Variants in IPO5 observed in about 807,000 individuals in gnomAD.
IPO5 encodes the protein importin 5, also known as importin-5.
IPO5 carries 18 observed loss-of-function variants against 143.3 expected under a neutral mutation model. The ratio of observed to expected loss-of-function variants is 0.13; its 90% CI spans 0.09 to 0.19. The LOEUF is 0.19. Ranked by LOEUF, IPO5 falls within the 10% of genes least tolerant of loss-of-function variation. The pLI is 1.00. For synonymous variants in IPO5, 477 were observed against 465.7 expected (o/e 1.02, Z -0.31); for missense variants, 1,013 against 1,336.9 (o/e 0.76, Z 3.78).
chr13:97,972,444 C>A (rs1482821038), intron 3 of IPO5, among the ~76,000 whole-genome samples: 1 of 152,200 alleles, frequency 6.6e-6, no homozygotes, highest in East Asian at 1.9e-4. Context: ...ATAGGTCATG[C>A]CCAGGCTGTG....
intron 3 of IPO5, among the ~76,000 whole-genome samples, chr13:97,970,214 T>A (rs113990068): frequency 1.3e-5 from 2 of 152,218 alleles, no homozygotes; most frequent in African/African-American, 4.8e-5. Flanking sequence ...TATCAATAAA[T>A]ATAACTATTT....
chr13:98,017,261 T>TATGTA (rs1247969362), intron 25 of IPO5, among the ~76,000 whole-genome samples: 1 of 148,200 alleles, frequency 6.7e-6, no homozygotes, highest in East Asian at 2.0e-4. Flanking sequence ...TATATATGTA[T>TATGTA]TTTTTTTTTA....
intron 1 of IPO5, 183 bp from the exon 2 acceptor site, chr13:97,953,936 C>T (rs1346067963): frequency 2.2e-6 from 1 of 455,928 alleles, no homozygotes; most frequent in Non-Finnish European, 4.4e-6. Flanking sequence ...AAGTATGAAA[C>T]AATGACGATT....
chr13:97,982,734 G>A (rs1264464657), intron 5 of IPO5, 151 bp downstream of exon 5: 10 of 616,450 alleles, frequency 1.6e-5, no homozygotes, highest in Non-Finnish European at 2.5e-5. Flanking sequence ...CTACTTAGGA[G>A]TTATAATGTA....
At position 98,019,804 on chromosome 13, in the gene IPO5, T is replaced by C; in HGVS notation, c.3060T>C (p.Ile1020=). The change falls in exon 27 of 29, where the codon ATT becomes ATC. Residue 1020 remains isoleucine, a synonymous_variant. Transcript: ENST00000651721. ...CTTTCAATTATCTGTGTGACCTGATTGAAAGGTAGGAAAGCAGACTGTGAC... is the reference window on the plus strand; with the variant it reads ...CTTTCAATTATCTGTGTGACCTGATCGAAAGGTAGGAAAGCAGACTGTGAC... ...VQTFNYLCDL[I]ESNHPIVLGP... The C allele has an allele frequency of 6.2e-7, 1 of 1,604,116 alleles. No homozygotes were observed. The highest frequency in any genetic ancestry group is 8.5e-7 in the Non-Finnish European group (1 of 1,171,036).
intron 3 of IPO5, 127 bp from the exon 4 acceptor site, chr13:97,976,566 G>C (rs944737750): frequency 8.6e-4 from 158 of 183,196 alleles, no homozygotes; most frequent in Non-Finnish European, 1.3e-3. Context: ...TTCCCGCGCG[G>C]CCCCCCGCAA....
chr13:97,964,744 C>A (rs1335368961), intron 2 of IPO5, among the ~76,000 whole-genome samples: 2 of 151,456 alleles, frequency 1.3e-5, no homozygotes, highest in Middle Eastern at 3.4e-3. Flanking sequence ...CCACCGCGCC[C>A]GGCCTCCCAG....
At chr13:97,998,134 T>C (rs1888456232) in intron 12 of IPO5, among the ~76,000 whole-genome samples, 1 of 152,092 alleles carries the variant, frequency 6.6e-6, no homozygotes, top group Non-Finnish European at 1.5e-5. Context: ...TGCCACCACG[T>C]CCAGCTAATT....
chr13:97,983,965 C>CTTTT (rs71117684), intron 5 of IPO5, among the ~76,000 whole-genome samples: 2,380 of 46,026 alleles, frequency 0.052, 569 homozygotes, highest in Non-Finnish European at 0.067. Flanking sequence ...AGGGTAACTT[C>CTTTT]TTTTTTTTTT....
chr13:97,969,910 G>A, intron 3 of IPO5, 80 bp downstream of exon 3: 5 of 1,114,212 alleles, frequency 4.5e-6, no homozygotes, highest in Non-Finnish European at 6.7e-6. Context: ...TGTTGCCCAG[G>A]CTGGTCTCGA....
chr13:98,021,256 CTT>C, intron 28 of IPO5, 123 bp downstream of exon 28: 1 of 822,368 alleles, frequency 1.2e-6, no homozygotes, highest in Non-Finnish European at 1.8e-6. Context: ...TTCATAGTCT[CTT>C]GTCTCCAAGC....
chr13:98,021,828 C>A lies in IPO5; in HGVS notation c.*6C>A. On this transcript the variant is annotated 3_prime_UTR_variant, in exon 29 of 29. Coordinates refer to ENST00000651721, the MANE Select transcript of IPO5 (RefSeq NM_002271.6). ...AGCTCCTGAACTCTGCGTGAAGGGC[C>A]TTAATGTCACCCACCAGAAAACTAA... 1 of 1,586,922 alleles carries A rather than the reference C, an allele frequency of 6.3e-7. No homozygotes were observed. Among genetic ancestry groups the A allele is most frequent in the Admixed American group, 1.7e-5 (1 of 59,328 alleles).
intron 2 of IPO5, among the ~76,000 whole-genome samples, chr13:97,958,599 G>A (rs1217857933): frequency 1.3e-5 from 2 of 151,406 alleles, no homozygotes; most frequent in African/African-American, 4.9e-5. Context: ...CAAACTGTAT[G>A]ATTTAGGCCT....
In IPO5 at chr13:98,023,714, T is replaced by C. The variant is rs1890619879; in HGVS notation, c.*1892T>C. The C allele has an allele frequency of 6.6e-6, 1 of 152,108 alleles. No individual in the cohort carries two copies. Among genetic ancestry groups the C allele is most frequent in the South Asian group, 2.1e-4 (1 of 4,820 alleles). 9.4% of individuals were successfully genotyped at this position (152,108 alleles called of 1,614,324 possible). A position where few individuals can be genotyped will look rare whatever the true frequency, so the allele number is the denominator to read the frequency against. On this transcript the variant is annotated 3_prime_UTR_variant, in exon 29 of 29. Transcript: ENST00000651721. ...GTACTTACAGCAGGGTTCTAAGAGC[T>C]CTGAAAGAAGCGCTCTGTTAGATGC...
chr13:98,017,103 T>C (rs1388640898), intron 25 of IPO5, among the ~76,000 whole-genome samples: 1 of 152,186 alleles, frequency 6.6e-6, no homozygotes, highest in African/African-American at 2.4e-5. Context: ...TAAGTGATTT[T>C]TTTTATTATT....
chr13:98,009,779 C>T (rs1889553094), intron 18 of IPO5, 102 bp from the exon 19 acceptor site: 1 of 870,600 alleles, frequency 1.1e-6, no homozygotes, highest in Non-Finnish European at 1.8e-6. Context: ...GTACTGTGAA[C>T]ATATCAATAA....
Position 97,985,485 on chromosome 13 carries a change from C to G in IPO5, c.236C>G (p.Pro79Arg), listed in dbSNP as rs764376190. The change falls in exon 6 of 29, where the codon CCA becomes CGA. Residue 79 changes from proline (P) to arginine (R), a missense_variant. Physicochemically the swap from Pro to Arg is moderately radical, Grantham distance 103. This residue lies in a region of IPO5 where 328 missense variants were observed against 342.0 expected (regional missense o/e 0.96). Transcript: ENST00000651721. The stretch of plus-strand genomic sequence containing the variant: ...TCCTCTGCATTTGATGAAGTCTATC[C>G]AGCACTTCCCTCTGATGTTCAGACT... ...LLSSAFDEVYPALPSDVQTAI... is the reference protein window; with the variant it reads ...LLSSAFDEVYRALPSDVQTAI... 6.2e-7 allele frequency: 1 copy of G among 1,614,002 alleles called. No homozygotes were observed. Among genetic ancestry groups the G allele is most frequent in the Non-Finnish European group, 8.5e-7 (1 of 1,179,936 alleles).
intron 9 of IPO5, among the ~76,000 whole-genome samples, chr13:97,991,988 C>T (rs994629735): frequency 5.9e-5 from 9 of 152,150 alleles, no homozygotes; most frequent in Non-Finnish European, 1.0e-4. Flanking sequence ...AACCATTCCT[C>T]TTGAGAACCA....
At chr13:97,977,455 A>T (rs536035311) in intron 4 of IPO5, among the ~76,000 whole-genome samples, 20 of 152,288 alleles carry the variant, frequency 1.3e-4, no homozygotes, top group African/African-American at 4.1e-4. Context: ...GGCTTATAAT[A>T]CACTTACTCT....
Sources: gnomAD v4.1 joint callset for allele counts (sites outside exome capture counted in the v4.1 genomes callset) on GRCh38, gnomAD v4.1.1 for gene constraint, gnomAD v4.1.1 regional missense constraint, MANE v1.5 for transcripts, NCBI Gene and HGNC (gene_info 2026-07-23, HGNC 2026-07-21) for gene names.